Variants in HBS1L observed in about 807,000 individuals in gnomAD.
HBS1L encodes the protein HBS1-like protein.
A neutral mutation model predicts 88.9 loss-of-function variants in HBS1L; 55 were observed. The ratio of observed to expected loss-of-function variants is 0.62; its 90% confidence interval spans 0.50 to 0.77. The LOEUF (loss-of-function observed/expected upper bound fraction) is 0.77, where lower values mean the gene tolerates loss of function less well. Ranked by LOEUF, HBS1L falls within the 30% of genes least tolerant of loss-of-function variation. The pLI, the probability that HBS1L is intolerant of heterozygous loss-of-function variation, is 0.00. For synonymous variants in HBS1L, 267 were observed against 288.5 expected (o/e 0.93, Z 0.76); for missense variants, 741 against 829.3 (o/e 0.89, Z 1.31).
At chr6:135,029,693 C>T (rs1237560142) in intron 4 of HBS1L, among the ~76,000 whole-genome samples, 4 of 152,102 alleles carry the variant, frequency 2.6e-5, no homozygotes, top group South Asian at 2.1e-4. Flanking sequence ...ATGTAGGATG[C>T]TCATTTATTA....
At position 135,002,360 on chromosome 6, in the gene HBS1L, T is replaced by C. The variant is rs1434944794; in HGVS notation, c.539+374A>G. On this transcript the variant is annotated intron_variant, in intron 5 of 17. Transcript: ENST00000367837. ...AAAATATTTTAGTTATTAAAAAATT[T>C]AATTAATGATTCCATGATTCGGGGA... is the stretch of plus-strand genomic sequence containing the variant. 3.9e-5 allele frequency among the ~76,000 whole-genome samples: 6 copies of C among 152,076 alleles called. No individual in the cohort carries two copies. The East Asian group carries it at 7.7e-4, about 20-fold the overall frequency.
intron 8 of HBS1L, among the ~76,000 whole-genome samples, chr6:134,990,861 C>T (rs563345092): frequency 4.6e-5 from 7 of 152,158 alleles, no homozygotes; most frequent in African/African-American, 9.6e-5. Flanking sequence ...CTGGAATAAA[C>T]GATCTTTATA....
intron 4 of HBS1L, among the ~76,000 whole-genome samples, chr6:135,007,392 C>T (rs1299526883): frequency 1.3e-5 from 2 of 152,102 alleles, no homozygotes; most frequent in Admixed American, 1.3e-4. Context: ...ATGTACCACA[C>T]ATATAAAATT....
Position 134,979,198 on chromosome 6 carries a change from C to A in HBS1L, c.1668G>T (p.Gly556=). The A allele has an allele frequency of 6.2e-7, 1 of 1,611,662 alleles. No individual in the cohort carries two copies. Among genetic ancestry groups the A allele is most frequent in the South Asian group, 1.1e-5 (1 of 91,004 alleles). Residue 556 remains glycine (G), a synonymous_variant, in exon 14 of 18, where the codon GGG becomes GGT. Coordinates refer to ENST00000367837, the MANE Select transcript of HBS1L (RefSeq NM_006620.4). The part of the protein sequence containing the change: ...AGDHVSLTLV[G]MDIIKINVGC... ...CTCACTTGATTTTGATGATATCCAT[C>A]CCAACCAAAGTAAGACTAACATGAT...
chr6:134,962,253 C>T lies in HBS1L; in HGVS notation c.*3026G>A, dbSNP rs148517516. On this transcript the variant is annotated 3_prime_UTR_variant, in exon 18 of 18. Transcript: ENST00000367837. ...TTATTTTTATATCAATAAAAAAAAC[C>T]TCTAATACTTCTATTGAAAAATATT... is the stretch of plus-strand genomic sequence containing the variant. 26 of 151,768 alleles carry T rather than the reference C, an allele frequency of 1.7e-4. No homozygotes were observed. The highest frequency in any genetic ancestry group is 6.0e-4 in the African/African-American group (25 of 41,374). The allele number at this position is 151,768 out of a possible 1,614,324, so 9.4% of individuals were successfully genotyped here.
chr6:135,048,681 C>G (rs1466839109), intron 2 of HBS1L, among the ~76,000 whole-genome samples: 2 of 152,186 alleles, frequency 1.3e-5, no homozygotes, highest in African/African-American at 2.4e-5. Context: ...GCACTTTTTG[C>G]ATTATTTGTT....
intron 12 of HBS1L, 52 bp from the exon 13 acceptor site, chr6:134,982,614 T>C (rs1774864052): frequency 1.0e-6 from 1 of 963,412 alleles, no homozygotes; most frequent in Non-Finnish European, 1.6e-6. Flanking sequence ...TATCTGATGA[T>C]TAATACCGTT....
chr6:135,002,189 T>TA (rs1398779733), intron 5 of HBS1L, among the ~76,000 whole-genome samples: 2 of 152,168 alleles, frequency 1.3e-5, no homozygotes, highest in Non-Finnish European at 2.9e-5. Context: ...AAACAAGTGC[T>TA]ACCAAGGTAT....
At chr6:135,033,774 A>G (rs1172441676) in intron 4 of HBS1L, among the ~76,000 whole-genome samples, 4 of 152,242 alleles carry the variant, frequency 2.6e-5, no homozygotes, top group African/African-American at 9.6e-5. Flanking sequence ...CTGCTATTCA[A>G]CTACAGTGTA....
At chr6:134,977,133 T>C (rs1467596554) in intron 15 of HBS1L, among the ~76,000 whole-genome samples, 2 of 152,004 alleles carry the variant, frequency 1.3e-5, no homozygotes, top group Admixed American at 6.6e-5. Context: ...AATATGGCCA[T>C]ATTTTTCTGA....
chr6:134,966,230 T>G, intron 17 of HBS1L, 99 bp downstream of exon 17: 1 of 1,084,612 alleles, frequency 9.2e-7, no homozygotes, highest in African/African-American at 1.6e-5. Flanking sequence ...CAATGCTTTT[T>G]CTTTCATTCC....
chr6:135,009,252 G>GTATATATTTT (rs1262733614), intron 4 of HBS1L, among the ~76,000 whole-genome samples: 2 of 152,074 alleles, frequency 1.3e-5, no homozygotes, highest in Non-Finnish European at 1.5e-5. Flanking sequence ...ATATATATAT[G>GTATATATTTT]AATTACATGG....
At chr6:134,971,568 T>C (rs1407460496) in intron 15 of HBS1L, among the ~76,000 whole-genome samples, 3 of 152,204 alleles carry the variant, frequency 2.0e-5, no homozygotes, top group Non-Finnish European at 2.9e-5. Context: ...TTAGGTCTTA[T>C]ATGTCTTTTC....
At chr6:135,005,845 C>T (rs1296111588) in intron 4 of HBS1L, among the ~76,000 whole-genome samples, 1 of 152,138 alleles carries the variant, frequency 6.6e-6, no homozygotes, top group Non-Finnish European at 1.5e-5. Flanking sequence ...TGGATGCTTT[C>T]TATTTTCTCC....
chr6:134,995,662 C>A (rs1775268655), intron 7 of HBS1L, among the ~76,000 whole-genome samples: 2 of 151,284 alleles, frequency 1.3e-5, no homozygotes, highest in African/African-American at 4.9e-5. Context: ...AACTAAAAAG[C>A]CACATACTTT....
Position 134,987,659 on chromosome 6 carries a change from T to C in HBS1L, c.1216A>G (p.Asn406Asp), listed in dbSNP as rs1192298033. The change falls in exon 9 of 18, where the codon AAT becomes GAT. Residue 406 changes from asparagine to aspartate, a missense_variant. Coordinates refer to ENST00000367837, the MANE Select transcript of HBS1L (RefSeq NM_006620.4). Reference protein sequence around the residue: ...LGVTQLAVAVNKMDQVNWQQE... With the variant: ...LGVTQLAVAVDKMDQVNWQQE... Reference sequence around the variant, plus strand: ...CCCTTAAATACCTGATCCATTTTATTAACTGCAACTGCAAGCTGCGTCACT... The same window carrying C: ...CCCTTAAATACCTGATCCATTTTATCAACTGCAACTGCAAGCTGCGTCACT... The C allele has an allele frequency of 6.2e-7, 1 of 1,600,032 alleles. No individual in the cohort carries two copies. The highest frequency in any genetic ancestry group is 8.5e-7 in the Non-Finnish European group (1 of 1,173,852).
chr6:134,995,026 T>C lies in HBS1L; in HGVS notation c.966-1151A>G, dbSNP rs1775251868. ...CCTTAGTCAAGCCATTTTAGCTTAA[T>C]CTGAAAGCATGGGCCATCCTAGTTT... On this transcript the variant is annotated intron_variant, in intron 7 of 17. Transcript: ENST00000367837. 2.0e-5 allele frequency among the ~76,000 whole-genome samples: 3 copies of C among 152,122 alleles called. No homozygotes were observed. In the South Asian group the frequency reaches 6.2e-4, roughly 31 times the overall value.
intron 4 of HBS1L, among the ~76,000 whole-genome samples, chr6:135,024,205 C>A (rs916336567): frequency 6.6e-6 from 1 of 152,028 alleles, no homozygotes; most frequent in South Asian, 2.1e-4. Context: ...CTTTGGGAGG[C>A]CGAGGCGGGC....
At chr6:134,973,789 T>C (rs1007292329) in intron 15 of HBS1L, among the ~76,000 whole-genome samples, 3 of 151,818 alleles carry the variant, frequency 2.0e-5, no homozygotes, top group African/African-American at 4.8e-5. Flanking sequence ...TGAGCCAAGA[T>C]TGTGCCACTG....
Sources: gnomAD v4.1 joint callset for allele counts (sites outside exome capture counted in the v4.1 genomes callset) on GRCh38, gnomAD v4.1.1 for gene constraint, MANE v1.5 for transcripts, NCBI Gene and HGNC (gene_info 2026-07-23, HGNC 2026-07-21) for gene names.